Variants in CACNG2 observed in about 807,000 individuals in gnomAD.
CACNG2 encodes voltage-dependent calcium channel gamma-2 subunit.
In CACNG2, 3 loss-of-function variants were observed where a neutral mutation model predicts 25.9. That is an observed-to-expected ratio of 0.12 (90% CI 0.05 to 0.30). The LOEUF is 0.30. Among genes scored for constraint, CACNG2 ranks in the 10% least tolerant of loss-of-function variants. CACNG2 has a pLI of 1.00. For synonymous variants in CACNG2, 167 were observed against 173.3 expected, an observed-to-expected ratio of 0.96 and a Z score of 0.29; for missense variants, 341 against 432.5, an observed-to-expected ratio of 0.79 and a Z score of 1.88.
intron 1 of CACNG2, among the ~76,000 whole-genome samples, chr22:36,596,393 A>C (rs1935678925): frequency 6.6e-6 from 1 of 152,222 alleles, no homozygotes; most frequent in Admixed American, 6.5e-5. Context: ...GATGGTTTGC[A>C]ACAACAGAAC....
At chr22:36,576,889 A>G (rs562088560) in intron 2 of CACNG2, among the ~76,000 whole-genome samples, 7 of 152,306 alleles carry the variant, frequency 4.6e-5, no homozygotes, top group African/African-American at 9.6e-5. Flanking sequence ...CAAGTGTTCA[A>G]TGAACGTGTG....
At position 36,564,379 on chromosome 22, in the gene CACNG2, G is replaced by C. The variant is rs1310263381; in HGVS notation, c.944C>G (p.Thr315Arg). Residue 315 changes from threonine (T) to arginine (R), a missense_variant, in exon 4 of 4, where the codon ACA (threonine) becomes AGA (arginine). This residue lies in a region of CACNG2 where 172 missense variants were observed against 178.1 expected (regional missense o/e 0.97). Transcript: ENST00000300105. This position sits in a 1 kb window ranked among gnomAD's most constrained non-coding sequence, Gnocchi z 6.7. ...KENKDSLHSN[T>R]ANRRTTPV ...TACGGGGGTGGTCCGGCGGTTGGCTGTGTTGGAGTGGAGAGAGTCCTTGTT... is the reference window on the plus strand; with the variant it reads ...TACGGGGGTGGTCCGGCGGTTGGCTCTGTTGGAGTGGAGAGAGTCCTTGTT... 1 of 1,613,904 alleles carries C rather than the reference G, an allele frequency of 6.2e-7. No individual in the cohort carries two copies. The highest frequency in any genetic ancestry group is 8.5e-7 in the Non-Finnish European group (1 of 1,179,938).
At chr22:36,598,322 A>G (rs769997898) in intron 1 of CACNG2, among the ~76,000 whole-genome samples, 3 of 152,102 alleles carry the variant, frequency 2.0e-5, no homozygotes, top group African/African-American at 2.4e-5. Flanking sequence ...TGAAAAACCT[A>G]CTTGACTATA....
intron 1 of CACNG2, among the ~76,000 whole-genome samples, chr22:36,591,464 G>A (rs1935591322): frequency 6.6e-6 from 1 of 152,138 alleles, no homozygotes; most frequent in South Asian, 2.1e-4. Flanking sequence ...GAACCCAGCA[G>A]TTCAAGACCA....
rs145231696 is a variant in CACNG2, at chr22:36,690,618, C to A, written c.211+11748G>T. On this transcript the variant is annotated intron_variant, in intron 1 of 3. Coordinates refer to ENST00000300105, the MANE Select transcript of CACNG2 (RefSeq NM_006078.5). ...TTCAGGAGGGAGACAAAATGATTAT[C>A]CCCATTTTACACGTGAAAAATAGAC... 1.6e-3 allele frequency among the ~76,000 whole-genome samples: 238 copies of A among 152,288 alleles called. 1 individual carries two copies. Among genetic ancestry groups the A allele is most frequent in the African/African-American group, 5.3e-3 (222 of 41,542 alleles).
chr22:36,620,771 G>A (rs953819503), intron 1 of CACNG2, among the ~76,000 whole-genome samples: 8 of 152,244 alleles, frequency 5.3e-5, no homozygotes, highest in Non-Finnish European at 1.0e-4. Context: ...GAGCCAATGA[G>A]AGTCACATTT....
At chr22:36,596,874 C>A (rs1176199529) in intron 1 of CACNG2, among the ~76,000 whole-genome samples, 10 of 152,076 alleles carry the variant, frequency 6.6e-5, no homozygotes, top group Admixed American at 6.5e-4. Context: ...CCTCCCACCT[C>A]AGCCTCCCGG....
chr22:36,687,567 G>A (rs1937217084), intron 1 of CACNG2, among the ~76,000 whole-genome samples: 1 of 152,200 alleles, frequency 6.6e-6, no homozygotes, highest in Admixed American at 6.5e-5. Flanking sequence ...CATTCCCTGT[G>A]GTCGGCAGAA....
intron 1 of CACNG2, among the ~76,000 whole-genome samples, chr22:36,662,109 G>A (rs1285404499): frequency 6.7e-6 from 1 of 149,852 alleles, no homozygotes; most frequent in African/African-American, 2.4e-5. Context: ...CTCCCTAGTA[G>A]CTGGGATTAT....
intron 1 of CACNG2, among the ~76,000 whole-genome samples, chr22:36,638,021 C>CAAA (rs539878708): frequency 8.2e-5 from 11 of 134,810 alleles, no homozygotes; most frequent in African/African-American, 2.7e-4. Flanking sequence ...GAATCCATCT[C>CAAA]AAAAAAAAAA....
chr22:36,668,852 T>C (rs1569046664), intron 1 of CACNG2, among the ~76,000 whole-genome samples: 1 of 152,062 alleles, frequency 6.6e-6, no homozygotes, highest in South Asian at 2.1e-4. Flanking sequence ...GGAGCACCCA[T>C]GTCAGAGGGC....
chr22:36,580,180 C>T (rs1207675848), intron 2 of CACNG2, among the ~76,000 whole-genome samples: 11 of 152,266 alleles, frequency 7.2e-5, no homozygotes, highest in South Asian at 4.1e-4. Context: ...GGAGGTTCAC[C>T]GGGAAGTGGC....
At chr22:36,676,023 T>A (rs1202808073) in intron 1 of CACNG2, among the ~76,000 whole-genome samples, 1 of 152,094 alleles carries the variant, frequency 6.6e-6, no homozygotes, top group African/African-American at 2.4e-5. Flanking sequence ...ACAGGGCTGG[T>A]GAGAAGTGAT....
chr22:36,616,602 G>T (rs1407871495), intron 1 of CACNG2, among the ~76,000 whole-genome samples: 1 of 148,584 alleles, frequency 6.7e-6, no homozygotes, highest in Non-Finnish European at 1.5e-5. Flanking sequence ...AATCCATCTG[G>T]AATTGATTTT....
chr22:36,571,710 C>A (rs1304829235), intron 2 of CACNG2, among the ~76,000 whole-genome samples: 1 of 151,704 alleles, frequency 6.6e-6, no homozygotes, highest in African/African-American at 2.4e-5. Context: ...AACCTCGTCT[C>A]TACCAAAAAT....
chr22:36,596,888 G>A (rs2055662076), intron 1 of CACNG2, among the ~76,000 whole-genome samples: 1 of 152,088 alleles, frequency 6.6e-6, no homozygotes, highest in South Asian at 2.1e-4. Context: ...CTCCCGGGTA[G>A]CTGTGACTAC....
At chr22:36,607,507 G>A (rs1010231973) in intron 1 of CACNG2, among the ~76,000 whole-genome samples, 1 of 152,194 alleles carries the variant, frequency 6.6e-6, no homozygotes, top group African/African-American at 2.4e-5. Flanking sequence ...GCCTCCCGAA[G>A]TGCTGGGATT....
chr22:36,685,783 T>G (rs1384022005), intron 1 of CACNG2, among the ~76,000 whole-genome samples: 1 of 152,260 alleles, frequency 6.6e-6, no homozygotes, highest in Non-Finnish European at 1.5e-5. Context: ...AGGCACTAAC[T>G]AATTTGTTCC....
intron 1 of CACNG2, among the ~76,000 whole-genome samples, chr22:36,693,644 C>A (rs148390861): frequency 1.0e-3 from 158 of 152,346 alleles, no homozygotes; most frequent in African/African-American, 3.7e-3. Flanking sequence ...ATCTGTGCTG[C>A]CTTCCAGCCT....
Sources: allele counts gnomAD v4.1 joint callset (sites outside exome capture counted in the v4.1 genomes callset), GRCh38; gene constraint gnomAD v4.1.1; regional missense constraint gnomAD v4.1.1; non-coding constraint Gnocchi (gnomAD v3.1); transcripts MANE v1.5; gene names NCBI Gene and HGNC (gene_info 2026-07-23, HGNC 2026-07-21).